Variants in NVL observed in about 807,000 individuals in gnomAD.
NVL encodes the protein nuclear VCP like, also known as nuclear valosin-containing protein-like.
NVL carries 84 observed loss-of-function variants against 110.2 expected under a neutral mutation model. The observed-to-expected ratio is 0.76, with a 90% CI of 0.64 to 0.91. The LOEUF is 0.91. Ranked by LOEUF, NVL falls within the 40% of genes least tolerant of loss-of-function variation. The pLI is 0.00. For missense variants in NVL, 882 were observed against 1,035.9 expected (o/e 0.85, Z 2.04); for synonymous variants, 354 against 361.1 (o/e 0.98, Z 0.22).
Position 224,279,310 on chromosome 1 carries a change from C to T in NVL, c.1962+1813G>A, listed in dbSNP as rs527616665. ...AACCAAGAATAGGTGTAGTCACTCACGCATGTAATCCTAGCATTTTGGGAG... is the reference window on the plus strand; with the variant it reads ...AACCAAGAATAGGTGTAGTCACTCATGCATGTAATCCTAGCATTTTGGGAG... On this transcript the variant is annotated intron_variant, in intron 16 of 22. Transcript: ENST00000281701. Among the ~76,000 whole-genome samples, 14 of 152,206 alleles carry T rather than the reference C, an allele frequency of 9.2e-5. No homozygotes were observed. The South Asian group carries it at 2.5e-3, about 27-fold the overall frequency.
intron 15 of NVL, among the ~76,000 whole-genome samples, chr1:224,283,955 A>G (rs1413073126): frequency 6.6e-6 from 1 of 152,212 alleles, no homozygotes; most frequent in Admixed American, 6.5e-5. Context: ...TTTACTGAGG[A>G]GCTATAATTT....
intron 1 of NVL, among the ~76,000 whole-genome samples, chr1:224,328,660 G>A (rs909199764): frequency 6.6e-6 from 1 of 152,070 alleles, no homozygotes; most frequent in Admixed American, 6.6e-5. Flanking sequence ...AAGCCAACCA[G>A]GCTGTTGACA....
At chr1:224,274,717 T>C (rs1460645417) in intron 17 of NVL, among the ~76,000 whole-genome samples, 1 of 152,224 alleles carries the variant, frequency 6.6e-6, no homozygotes, top group Non-Finnish European at 1.5e-5. Context: ...GTTTATGTTA[T>C]GCTTCACTAA....
intron 4 of NVL, among the ~76,000 whole-genome samples, chr1:224,313,379 T>C (rs1189537153): frequency 6.6e-6 from 1 of 151,828 alleles, no homozygotes; most frequent in Non-Finnish European, 1.5e-5. Context: ...TGTAAGTAAT[T>C]ATTTTACACA....
At chr1:224,229,480 G>C (rs1378935545) in intron 22 of NVL, among the ~76,000 whole-genome samples, 3 of 151,872 alleles carry the variant, frequency 2.0e-5, no homozygotes, top group African/African-American at 7.3e-5. Flanking sequence ...TGTCGCCCAG[G>C]CTGGAGTGCA....
chr1:224,287,783 C>T lies in NVL; in HGVS notation c.1786G>A (p.Ala596Thr), dbSNP rs1010228282. Residue 596 changes from alanine (A) to threonine (T), a missense_variant, in exon 14 of 23, where the codon GCA becomes ACA. By Grantham distance (58) the Ala-to-Thr change is moderately conservative. Coordinates refer to ENST00000281701, the MANE Select transcript of NVL (RefSeq NM_002533.4). ...GCAGCTGATATACCTACCAATATTG[C>T]CATGGTGAGCTCCTCTCTAATGTCT... ...LEDIREELTM[A>T]ILAPVRNPDQ... The T allele has an allele frequency of 6.2e-7, 1 of 1,613,556 alleles. No individual in the cohort carries two copies. The highest frequency in any genetic ancestry group is 1.3e-5 in the African/African-American group (1 of 75,026).
intron 18 of NVL, among the ~76,000 whole-genome samples, chr1:224,258,802 A>G (rs964734622): frequency 1.4e-4 from 21 of 152,106 alleles, no homozygotes; most frequent in African/African-American, 5.1e-4. Flanking sequence ...CTCATATTGT[A>G]TAATGCTATT....
At chr1:224,234,829 T>G (rs1053333334) in intron 20 of NVL, among the ~76,000 whole-genome samples, 2 of 152,162 alleles carry the variant, frequency 1.3e-5, no homozygotes, top group African/African-American at 4.8e-5. Context: ...TGTACACCAT[T>G]CAACTTTAGC....
intron 21 of NVL, among the ~76,000 whole-genome samples, chr1:224,232,569 AG>A (rs1660019273): frequency 6.6e-6 from 1 of 152,064 alleles, no homozygotes; most frequent in African/African-American, 2.4e-5. Context: ...TTTGTTGCGC[AG>A]GCTGCTCTCA....
chr1:224,305,011 C>A (rs756440974), intron 7 of NVL, 23 bp downstream of exon 7: 2 of 1,609,750 alleles, frequency 1.2e-6, no homozygotes, highest in Non-Finnish European at 1.7e-6. Context: ...TGACCACTGC[C>A]ACCAACAAGA....
At chr1:224,276,882 C>T (rs1010497609) in intron 16 of NVL, among the ~76,000 whole-genome samples, 3 of 151,758 alleles carry the variant, frequency 2.0e-5, no homozygotes, top group African/African-American at 7.3e-5. Flanking sequence ...TTGTATATGG[C>T]TTATCCTCAT....
intron 19 of NVL, among the ~76,000 whole-genome samples, chr1:224,242,887 G>T (rs1399767185): frequency 7.0e-6 from 1 of 142,384 alleles, no homozygotes; most frequent in Non-Finnish European, 1.5e-5. Flanking sequence ...GTGCAACGGC[G>T]CGATCTTGGC....
intron 13 of NVL, among the ~76,000 whole-genome samples, chr1:224,288,873 T>C (rs1015051738): frequency 6.6e-6 from 1 of 152,176 alleles, no homozygotes; most frequent in Admixed American, 6.6e-5. Flanking sequence ...AACTAAAAAA[T>C]TTAATACCGA....
rs560795176 is a variant in NVL, at chr1:224,242,426, T to C, written c.2290-5844A>G. Among the ~76,000 whole-genome samples the C allele has an allele frequency of 7.2e-5, 11 of 152,276 alleles. No homozygotes were observed. The South Asian group carries it at 2.1e-3, about 29-fold the overall frequency. On this transcript the variant is annotated intron_variant, in intron 19 of 22. Transcript: ENST00000281701. ...TGAAATACTCAGGTTCAAAAAGTAATTCAAGATGTGCTACTACTTTTATTT... is the reference window on the plus strand; with the variant it reads ...TGAAATACTCAGGTTCAAAAAGTAACTCAAGATGTGCTACTACTTTTATTT...
At chr1:224,318,170 A>C (rs1032203373) in intron 2 of NVL, among the ~76,000 whole-genome samples, 2 of 152,190 alleles carry the variant, frequency 1.3e-5, no homozygotes, top group Non-Finnish European at 2.9e-5. Context: ...AAAATTTCAA[A>C]GTTACTAAAA....
chr1:224,313,069 G>A (rs1669692425), intron 4 of NVL: 1 of 391,966 alleles, frequency 2.6e-6, no homozygotes, highest in Non-Finnish European at 5.3e-6. Context: ...TGCGGTGGGA[G>A]GATCGCTTGG....
chr1:224,257,173 C>G, intron 18 of NVL: 1 of 506,674 alleles, frequency 2.0e-6, no homozygotes. Context: ...ATGGCACTAA[C>G]AATCCCAGCA....
chr1:224,317,517 C>T (rs1478838206), intron 4 of NVL, among the ~76,000 whole-genome samples, 177 bp downstream of exon 4: 1 of 152,092 alleles, frequency 6.6e-6, no homozygotes, highest in East Asian at 1.9e-4. Flanking sequence ...TACAAAGGCA[C>T]AGCCAAAGAG....
chr1:224,330,122 C>G lies in NVL; in HGVS notation c.6G>C (p.Lys2Asn). Residue 2 changes from lysine to asparagine, a missense_variant, in exon 1 of 23, where the codon AAG (lysine) becomes AAC (asparagine). Coordinates refer to ENST00000281701, the MANE Select transcript of NVL (RefSeq NM_002533.4). ...TATCCACGAACCCTGCAGGTCTGGGCTTCATCGCGTCGGTCTTCCAAGCCA... is the reference window on the plus strand; with the variant it reads ...TATCCACGAACCCTGCAGGTCTGGGGTTCATCGCGTCGGTCTTCCAAGCCA... M[K>N]PRPAGFVDNK... The G allele has an allele frequency of 6.2e-7, 1 of 1,614,064 alleles. No homozygotes were observed. The highest frequency in any genetic ancestry group is 8.5e-7 in the Non-Finnish European group (1 of 1,179,940).
Sources: gnomAD v4.1 joint callset for allele counts (sites outside exome capture counted in the v4.1 genomes callset) on GRCh38, gnomAD v4.1.1 for gene constraint, MANE v1.5 for transcripts, NCBI Gene and HGNC (gene_info 2026-07-23, HGNC 2026-07-21) for gene names.